The following MYLK variants were observed in gnomAD, a reference collection of about 807,000 sequenced individuals.
MYLK encodes myosin light chain kinase, smooth muscle.
A neutral mutation model predicts 203.4 loss-of-function variants in MYLK; 106 were observed. The observed-to-expected ratio is 0.52, with a 90% CI of 0.45 to 0.61. The LOEUF (loss-of-function observed/expected upper bound fraction) is 0.61, where lower values mean the gene tolerates loss of function less well. Ranked by LOEUF, MYLK falls within the 20% of genes least tolerant of loss-of-function variation. The pLI, the probability that MYLK is intolerant of heterozygous loss-of-function variation, is 0.00. For synonymous variants in MYLK, 867 were observed against 959.5 expected (o/e 0.90, Z 1.78); for missense variants, 2,072 against 2,442.3 (o/e 0.85, Z 3.20).
In MYLK at chr3:123,752,453, C is replaced by G. The variant is rs761219750; in HGVS notation, c.251G>C (p.Gly84Ala). 1.2e-6 allele frequency: 2 copies of G among 1,614,180 alleles called. No homozygotes were observed. The highest frequency in any genetic ancestry group is 1.7e-6 in the Non-Finnish European group (2 of 1,180,030). Residue 84 changes from glycine to alanine, a missense_variant, in exon 5 of 34, where the codon GGC becomes GCC. Physicochemically the swap from Gly to Ala is moderately conservative, Grantham distance 60. Transcript: ENST00000360304. ...CACAAGGCTGAAAGTCCCCCGGATG[C>G]CGCAATCCAGCAGGAAGCGGCCCCC... Reference protein sequence around the residue: ...TSGGRFLLDCGIRGTFSLVIH... With the variant: ...TSGGRFLLDCAIRGTFSLVIH...
intron 20 of MYLK, among the ~76,000 whole-genome samples, chr3:123,675,520 G>C (rs1295377806): frequency 6.6e-6 from 1 of 152,210 alleles, no homozygotes; most frequent in Non-Finnish European, 1.5e-5. Context: ...GCCTGAAGGT[G>C]GGTCTCACGG....
chr3:123,736,465 A>T, intron 8 of MYLK, among the ~76,000 whole-genome samples: 1 of 152,136 alleles, frequency 6.6e-6, no homozygotes, highest in East Asian at 1.9e-4. Flanking sequence ...GTAAAGTGAC[A>T]TGCAGCCCCT....
chr3:123,768,292 TG>T (rs2063768244), intron 4 of MYLK, among the ~76,000 whole-genome samples: 1 of 152,218 alleles, frequency 6.6e-6, no homozygotes, highest in South Asian at 2.1e-4. Context: ...TTCCTTTTGC[TG>T]GTCAGGGGGA....
chr3:123,761,573 C>T (rs2063535207), intron 4 of MYLK, among the ~76,000 whole-genome samples: 1 of 152,110 alleles, frequency 6.6e-6, no homozygotes, highest in South Asian at 2.1e-4. Flanking sequence ...ATGAAAATGT[C>T]CCTTTATGCT....
At chr3:123,769,108 A>T (rs916248156) in intron 4 of MYLK, among the ~76,000 whole-genome samples, 4 of 151,890 alleles carry the variant, frequency 2.6e-5, no homozygotes, top group African/African-American at 9.7e-5. Context: ...TGAGACAACT[A>T]ATCACCATGA....
chr3:123,754,401 C>T (rs763801789), intron 4 of MYLK, among the ~76,000 whole-genome samples: 1 of 152,220 alleles, frequency 6.6e-6, no homozygotes, highest in Non-Finnish European at 1.5e-5. Flanking sequence ...ATCTTATTTA[C>T]AATGTCTGGA....
Position 123,611,262 on chromosome 3 carries a change from G to A in MYLK, c.*2843C>T, listed in dbSNP as rs1208785214. ...CATCCACAATATTGTTTGAACATCT[G>A]AAGACATGGGGAACTTGCCATCTGA... On this transcript the variant is annotated 3_prime_UTR_variant, in exon 34 of 34. Transcript: ENST00000360304. The A allele has an allele frequency of 6.6e-6, 1 of 152,164 alleles. No individual in the cohort carries two copies. The highest frequency in any genetic ancestry group is 2.4e-5 in the African/African-American group (1 of 41,422). The allele number at this position is 152,164 out of a possible 1,614,324, so 9.4% of individuals were successfully genotyped here. A position where few individuals can be genotyped will look rare whatever the true frequency, so the allele number is the denominator to read the frequency against.
At chr3:123,712,158 A>G (rs894750775) in intron 13 of MYLK, among the ~76,000 whole-genome samples, 2 of 152,198 alleles carry the variant, frequency 1.3e-5, no homozygotes, top group African/African-American at 4.8e-5. Flanking sequence ...GCAGCCTTCG[A>G]TGGAGGGCCG....
chr3:123,700,150 A>G lies in MYLK; in HGVS notation c.3318T>C (p.Asp1106=). Residue 1106 remains aspartate (D), a synonymous_variant, in exon 18 of 34, where the codon GAT becomes GAC. Transcript: ENST00000360304. ...TAPAFKQKLQ[D]VHVAEGKKLL... is the part of the protein sequence containing the mutation. ...GCTTCTTGCCCTCTGCCACATGAACATCTTGCAGCTTCTGCTTGAAGGCTG... is the reference window on the plus strand; with the variant it reads ...GCTTCTTGCCCTCTGCCACATGAACGTCTTGCAGCTTCTGCTTGAAGGCTG... The G allele has an allele frequency of 3.1e-6, 5 of 1,613,776 alleles. No individual in the cohort carries two copies. The highest frequency in any genetic ancestry group is 4.2e-6 in the Non-Finnish European group (5 of 1,179,944).
At chr3:123,633,967 A>G (rs972242880) in intron 29 of MYLK, among the ~76,000 whole-genome samples, 1 of 152,136 alleles carries the variant, frequency 6.6e-6, no homozygotes, top group Admixed American at 6.5e-5. Context: ...ACAGGTGCAC[A>G]CTACTGCACC....
rs2057252536 is a variant in MYLK at position 123,611,799 on chromosome 3, CAGGTGTTAGATTCTCATA to C, written c.*2288_*2305del. 1 of 156,336 alleles carries C rather than the reference CAGGTGTTAGATTCTCATA, an allele frequency of 6.4e-6. No individual in the cohort carries two copies. The highest frequency in any genetic ancestry group is 1.4e-5 in the Non-Finnish European group (1 of 71,524). The allele number at this position is 156,336 out of a possible 1,614,324, so 9.7% of individuals were successfully genotyped here. ...GTGATGGGAGACAGTGACAGATCAT[CAGGTGTTAGATTCTCATA>C]AGGAGCGTGAAACCTAGATCCCTCA... On this transcript the variant is annotated 3_prime_UTR_variant, in exon 34 of 34. Coordinates refer to ENST00000360304, the MANE Select transcript of MYLK (RefSeq NM_053025.4).
intron 2 of MYLK, among the ~76,000 whole-genome samples, chr3:123,860,706 C>A (rs755750131): frequency 2.0e-5 from 3 of 152,134 alleles, no homozygotes; most frequent in African/African-American, 4.8e-5. Flanking sequence ...CAGAGCTGTG[C>A]CCTGAGACAG....
chr3:123,672,842 A>G (rs2059957903), intron 20 of MYLK, among the ~76,000 whole-genome samples: 1 of 152,150 alleles, frequency 6.6e-6, no homozygotes, highest in African/African-American at 2.4e-5. Flanking sequence ...GCTGAAATCC[A>G]CTAATTGTGT....
chr3:123,869,278 T>C (rs2032568984), intron 2 of MYLK, among the ~76,000 whole-genome samples: 1 of 152,080 alleles, frequency 6.6e-6, no homozygotes, highest in Non-Finnish European at 1.5e-5. Flanking sequence ...CTCTCCTCAC[T>C]CCTCCCACAC....
chr3:123,780,241 CTGACCAATGTGG>C (rs2064243318), intron 4 of MYLK, among the ~76,000 whole-genome samples: 1 of 152,082 alleles, frequency 6.6e-6, no homozygotes, highest in African/African-American at 2.4e-5. Flanking sequence ...TGAGACCAGC[CTGACCAATGTGG>C]TGAAACCCCA....
At chr3:123,758,323 T>A (rs370744983) in intron 4 of MYLK, among the ~76,000 whole-genome samples, 1 of 152,174 alleles carries the variant, frequency 6.6e-6, no homozygotes, top group Non-Finnish European at 1.5e-5. Flanking sequence ...GAAGAGACCA[T>A]ACCAACTAAA....
chr3:123,814,268 C>G (rs981346079), intron 3 of MYLK: 3 of 183,472 alleles, frequency 1.6e-5, no homozygotes, highest in Non-Finnish European at 3.5e-5. Flanking sequence ...CTATTCCGGC[C>G]AAGCTCAGGC....
chr3:123,854,624 G>A (rs887957455), intron 2 of MYLK, among the ~76,000 whole-genome samples: 12 of 152,230 alleles, frequency 7.9e-5, no homozygotes, highest in Admixed American at 5.9e-4. Flanking sequence ...AGGGGCAAGG[G>A]CTGAAAAACC....
chr3:123,652,256 TC>T (rs996242211), intron 24 of MYLK, among the ~76,000 whole-genome samples: 1 of 152,058 alleles, frequency 6.6e-6, no homozygotes, highest in African/African-American at 2.4e-5. Flanking sequence ...TGAACTGGTT[TC>T]CATCTTTCCA....
Sources: allele counts gnomAD v4.1 joint callset (sites outside exome capture counted in the v4.1 genomes callset), GRCh38; gene constraint gnomAD v4.1.1; transcripts MANE v1.5; gene names NCBI Gene and HGNC (gene_info 2026-07-23, HGNC 2026-07-21).